Variants in MARF1 observed in about 807,000 individuals in gnomAD.
The protein encoded by MARF1 is meiosis regulator and mRNA stability factor 1.
A neutral mutation model predicts 168.2 loss-of-function variants in MARF1; 24 were observed. The ratio of observed to expected loss-of-function variants is 0.14; its 90% CI spans 0.10 to 0.20. MARF1 has a LOEUF of 0.20. MARF1 is among the 10% of genes least tolerant of loss of function. MARF1 has a pLI of 1.00. For missense variants in MARF1, 1,744 were observed against 2,143.6 expected, an observed-to-expected ratio of 0.81 and a Z score of 3.68; for synonymous variants, 868 against 822.4, an observed-to-expected ratio of 1.06 and a Z score of -0.95.
intron 18 of MARF1, 79 bp downstream of exon 18, chr16:15,611,513 A>T: frequency 1.6e-6 from 2 of 1,254,338 alleles, no homozygotes; most frequent in Non-Finnish European, 2.2e-6. Context: ...TAGAAATACT[A>T]GATAACTATT....
In MARF1 at chr16:15,628,511, T is replaced by C. The variant is rs547755756; in HGVS notation, c.1524+1821A>G. Among the ~76,000 whole-genome samples, 18 of 151,822 alleles carry C rather than the reference T, an allele frequency of 1.2e-4. 1 individual carries two copies. Among genetic ancestry groups the C allele is most frequent in the Non-Finnish European group, 2.5e-4 (17 of 67,954 alleles). On this transcript the variant is annotated intron_variant, in intron 7 of 26. Coordinates refer to ENST00000396368, the MANE Select transcript of MARF1 (RefSeq NM_014647.4). ...TGCAACCTCCACTTTCAGGTTCAAG[T>C]GATTCTCCTGTCTCAGCCTCCCAAG...
At chr16:15,619,104 CCT>C (rs1351882451) in intron 13 of MARF1, among the ~76,000 whole-genome samples, 3 of 152,110 alleles carry the variant, frequency 2.0e-5, no homozygotes, top group African/African-American at 7.2e-5. Context: ...AGCAAAACCC[CCT>C]CATTACAAAA....
In MARF1 at chr16:15,612,676, T is replaced by A. The variant is rs573036201; in HGVS notation, c.3355A>T (p.Ile1119Leu). 3.9e-5 allele frequency: 63 copies of A among 1,614,068 alleles called. No homozygotes were observed. The South Asian group carries it at 6.3e-4, about 16-fold the overall frequency. Reference sequence around the variant, plus strand: ...GATGGGATGAAATGACTGATGGGTATGACACAAGATGGCTGGCTTTTCAGC... The same window carrying A: ...GATGGGATGAAATGACTGATGGGTAAGACACAAGATGGCTGGCTTTTCAGC... ...DLLKSQPSCV[I>L]PISHFIPSYH... Residue 1119 changes from isoleucine (I) to leucine (L), a missense_variant, in exon 17 of 27, where the codon ATA (isoleucine) becomes TTA (leucine). By Grantham distance (5) the Ile-to-Leu change is conservative. Around this residue, in one of 7 missense-constraint regions of MARF1, gnomAD observed 543 missense variants for 742.1 expected, o/e 0.73. Coordinates refer to ENST00000396368, the MANE Select transcript of MARF1 (RefSeq NM_014647.4).
intron 3 of MARF1, 122 bp downstream of exon 3, chr16:15,635,534 A>T: frequency 1.2e-6 from 1 of 848,852 alleles, no homozygotes; most frequent in Non-Finnish European, 1.8e-6. Context: ...TGATGGGGAG[A>T]TTCCCCTATA....
intron 13 of MARF1, among the ~76,000 whole-genome samples, chr16:15,620,223 G>C (rs1387600212): frequency 2.0e-5 from 3 of 152,040 alleles, no homozygotes; most frequent in Admixed American, 1.3e-4. Flanking sequence ...TAGTCAATTA[G>C]GGGAAAAATA....
At chr16:15,616,108 C>A in intron 15 of MARF1, 103 bp from the exon 16 acceptor site, 1 of 978,540 alleles carries the variant, frequency 1.0e-6, no homozygotes, top group South Asian at 2.9e-5. Flanking sequence ...ATGTGTTAAT[C>A]ATTTGTCTGA....
intron 14 of MARF1, 58 bp downstream of exon 14, chr16:15,617,241 A>G: frequency 6.2e-7 from 1 of 1,609,948 alleles, no homozygotes; most frequent in Non-Finnish European, 8.5e-7. Flanking sequence ...AGGTCATCCT[A>G]ACATGTTCCA....
rs373810653 is a variant in MARF1 at position 15,636,078 on chromosome 16, C to G, written c.409G>C (p.Asp137His). The change falls in exon 3 of 27, where the codon GAC (aspartate) becomes CAC (histidine). Residue 137 changes from aspartate to histidine, a missense_variant. This residue lies in a region of MARF1 where 318 missense variants were observed against 336.6 expected (regional missense o/e 0.94). Coordinates refer to ENST00000396368, the MANE Select transcript of MARF1 (RefSeq NM_014647.4). ...GTGATTGTCCTGGTGCTTTGCGAGT[C>G]TAACAGTGCGCCCGGGTGAATCAAG... ...SSLIHPGALL[D>H]SQSTRTITCQ... The G allele has an allele frequency of 6.2e-7, 1 of 1,614,256 alleles. No homozygotes were observed. Among genetic ancestry groups the G allele is most frequent in the South Asian group, 1.1e-5 (1 of 91,090 alleles).
Position 15,629,036 on chromosome 16 carries a change from C to CT in MARF1, c.1524+1295dup, listed in dbSNP as rs35295986. Among the ~76,000 whole-genome samples, 731 of 138,578 alleles carry CT rather than the reference C, an allele frequency of 5.3e-3. 9 individuals carry two copies. Among genetic ancestry groups the CT allele is most frequent in the African/African-American group, 0.013 (478 of 38,006 alleles). 90.9% of individuals were successfully genotyped at this position (138,578 alleles called of 152,430 possible). On this transcript the variant is annotated intron_variant, in intron 7 of 26. Transcript: ENST00000396368. ...GTTCTTACCTAAAACACTACATTTA[C>CT]TTTTTTTTTTTTTTTTGAAACAGAG...
chr16:15,639,082 A>G lies in MARF1; in HGVS notation c.144+8T>C, dbSNP rs768441303. 12 of 1,612,564 alleles carry G rather than the reference A, an allele frequency of 7.4e-6. No homozygotes were observed. The South Asian group carries it at 1.3e-4, about 18-fold the overall frequency. On this transcript the variant is annotated splice_region_variant and intron_variant, in intron 2 of 26. Transcript: ENST00000396368. ...ATCTGCTACATCCTTAGTCTTGCAT[A>G]TAGTTACCGTTTGGGGACTATGTGG...
At chr16:15,601,726 CT>C in intron 23 of MARF1, 1 of 550,622 alleles carries the variant, frequency 1.8e-6, no homozygotes, top group Middle Eastern at 4.8e-4. Context: ...GCTTGGGGGT[CT>C]TGACTCTCCC....
chr16:15,619,107 C>G (rs2034272100), intron 13 of MARF1, among the ~76,000 whole-genome samples: 1 of 152,194 alleles, frequency 6.6e-6, no homozygotes. Context: ...AAAACCCCCT[C>G]ATTACAAAAA....
At chr16:15,612,846 C>T in intron 16 of MARF1, 69 bp from the exon 17 acceptor site, 1 of 1,299,802 alleles carries the variant, frequency 7.7e-7, no homozygotes, top group Non-Finnish European at 1.1e-6. Context: ...GGAAAATGGC[C>T]CTGCAGTCCC....
chr16:15,602,619 G>GGGGA lies in MARF1; in HGVS notation c.4414-417_4414-416insTCCC, dbSNP rs376701217. ...AAGACAAAGAAGAAGAAAGGAGGAG[G>GGGGA]AGGAAGGAAAGAAGGAAGAGGAGAA... On this transcript the variant is annotated intron_variant, in intron 22 of 26. Coordinates refer to ENST00000396368, the MANE Select transcript of MARF1 (RefSeq NM_014647.4). 9 of 119,678 alleles carry GGGGA rather than the reference G, an allele frequency of 7.5e-5. No individual in the cohort carries two copies. In the African/African-American group the frequency reaches 1.4e-3, roughly 19 times the overall value. The allele number at this position is 119,678 out of a possible 1,614,324, so 7.4% of individuals were successfully genotyped here. A position where few individuals can be genotyped will look rare whatever the true frequency, so the allele number is the denominator to read the frequency against.
Position 15,620,519 on chromosome 16 carries a change from C to T in MARF1, c.2652G>A (p.Met884Ile). The change falls in exon 13 of 27, where the codon ATG becomes ATA. Residue 884 changes from methionine to isoleucine, a missense_variant. Met to Ile is a conservative substitution (Grantham distance 10, BLOSUM62 1). Transcript: ENST00000396368. The stretch of plus-strand genomic sequence containing the variant: ...AGGCAGGGGCATCCTGAAGAACAGA[C>T]ATTGTTTCTGCACTGTAAAACAGAA... ...KSLSLLSAET[M>I]SVLQDAPACC... 1 of 1,612,014 alleles carries T rather than the reference C, an allele frequency of 6.2e-7. No homozygotes were observed. The highest frequency in any genetic ancestry group is 1.7e-4 in the Middle Eastern group (1 of 6,060).
rs2031569884 is a variant in MARF1 at position 15,595,275 on chromosome 16, TC to T, written c.*1417del. 2 of 152,610 alleles carry T rather than the reference TC, an allele frequency of 1.3e-5. No homozygotes were observed. Among genetic ancestry groups the T allele is most frequent in the East Asian group, 3.9e-4 (2 of 5,174 alleles). The allele number at this position is 152,610 out of a possible 1,614,324, so 9.5% of individuals were successfully genotyped here. ...GAACAAAAAATCTGACTTGTAAAAA[TC>T]TCTCTATAGCCCTTATTTTGTGGCA... is the stretch of plus-strand genomic sequence containing the variant. On this transcript the variant is annotated 3_prime_UTR_variant, in exon 27 of 27. Transcript: ENST00000396368.
At position 15,604,417 on chromosome 16, in the gene MARF1, C is replaced by A. The variant is rs745460512; in HGVS notation, c.4183-19G>T. On this transcript the variant is annotated intron_variant, in intron 21 of 26. Transcript: ENST00000396368. The stretch of plus-strand genomic sequence containing the variant: ...CGGCAACCTGGGGAAAACGAGAATT[C>A]ACACTTTTCAGAGCTCAAGAGAGAC... 1.3e-6 allele frequency: 2 copies of A among 1,580,634 alleles called. No homozygotes were observed. Among genetic ancestry groups the A allele is most frequent in the South Asian group, 2.2e-5 (2 of 90,394 alleles).
rs2033206721 is a variant in MARF1 at position 15,608,347 on chromosome 16, C to G, written c.4126G>C (p.Asp1376His). Residue 1376 changes from aspartate (D) to histidine (H), a missense_variant, in exon 21 of 27, where the codon GAC becomes CAC. By Grantham distance (81) the Asp-to-His change is moderately conservative. Transcript: ENST00000396368. ...GCCGAAATGGAACTGACATCATAGT[C>G]TTGGAGACGAAATGTATAACCAAAA... ...KTFGYTFRLQ[D>H]YDVSSISALT... 6.2e-7 allele frequency: 1 copy of G among 1,608,880 alleles called. No individual in the cohort carries two copies. The highest frequency in any genetic ancestry group is 8.5e-7 in the Non-Finnish European group (1 of 1,177,604).
At chr16:15,642,427 T>G (rs990471161) in intron 1 of MARF1, 5 of 152,198 alleles carry the variant, frequency 3.3e-5, no homozygotes, top group Admixed American at 3.3e-4. Context: ...TAGGTTTCAA[T>G]ACACCGATAT....
Sources: allele counts gnomAD v4.1 joint callset (sites outside exome capture counted in the v4.1 genomes callset), GRCh38; gene constraint gnomAD v4.1.1; regional missense constraint gnomAD v4.1.1; transcripts MANE v1.5; gene names NCBI Gene and HGNC (gene_info 2026-07-23, HGNC 2026-07-21).